The following NR2F1-AS1 variants were observed in gnomAD, a reference collection of about 807,000 sequenced individuals.
The protein encoded by NR2F1-AS1 is NR2F1 regulatory antisense RNA 1.
intron 1 of NR2F1-AS1, among the ~76,000 whole-genome samples, chr5:93,563,875 G>T (rs1752551098): frequency 6.6e-6 from 1 of 151,884 alleles, no homozygotes; most frequent in Non-Finnish European, 1.5e-5. Context: ...AGCTGAGGTG[G>T]GCGGATCACG....
chr5:93,572,000 T>C (rs138843915), intron 1 of NR2F1-AS1, among the ~76,000 whole-genome samples: 3,800 of 152,230 alleles, frequency 0.025, 80 homozygotes, highest in South Asian at 0.055. Flanking sequence ...GGGAAGGTAC[T>C]GAGGAGAAAA....
intron 4 of NR2F1-AS1, among the ~76,000 whole-genome samples, chr5:93,468,775 G>T (rs978837775): frequency 6.6e-6 from 1 of 151,856 alleles, no homozygotes; most frequent in African/African-American, 2.4e-5. Flanking sequence ...TTTTTATGGT[G>T]TTAGGTCTTA....
intron 4 of NR2F1-AS1, among the ~76,000 whole-genome samples, chr5:93,511,179 G>A (rs530291460): frequency 6.6e-6 from 1 of 152,262 alleles, no homozygotes; most frequent in African/African-American, 2.4e-5. Context: ...TGAATCAGTA[G>A]ACTCAGTAAA....
chr5:93,584,792 C>T, upstream of NR2F1-AS1: 1 of 153,722 alleles, frequency 6.5e-6, no homozygotes, highest in Non-Finnish European at 1.4e-5. Context: ...CGGGCGGGCG[C>T]GCAGCAGCAG....
At chr5:93,549,831 G>A (rs1752183429) in intron 4 of NR2F1-AS1, among the ~76,000 whole-genome samples, 1 of 152,060 alleles carries the variant, frequency 6.6e-6, no homozygotes, top group African/African-American at 2.4e-5. Flanking sequence ...GGATGAAGCT[G>A]GAAACCATCA....
At chr5:93,562,183 C>CAAA (rs750644394) in intron 2 of NR2F1-AS1, among the ~76,000 whole-genome samples, 3 of 50,602 alleles carry the variant, frequency 5.9e-5, no homozygotes, top group African/African-American at 1.4e-4. Context: ...CCCATCTCTA[C>CAAA]AAAAAAAAAA....
rs138825877 is a variant in NR2F1-AS1, at chr5:93,483,761, C to A, written n.638+70000G>T. 6.6e-4 allele frequency among the ~76,000 whole-genome samples: 101 copies of A among 152,236 alleles called. 1 individual carries two copies. Among genetic ancestry groups the A allele is most frequent in the African/African-American group, 2.3e-3 (97 of 41,526 alleles). On this transcript the variant is annotated intron_variant and non_coding_transcript_variant, in intron 4 of 5. Transcript: ENST00000660523. ...CAGTTTAGAGAAGAACATAAATGAC[C>A]TGATGGAGCTCAAAAACACAGCATA...
chr5:93,581,934 G>GTC (rs1165830435), upstream of NR2F1-AS1, among the ~76,000 whole-genome samples: 1 of 63,908 alleles, frequency 1.6e-5, no homozygotes, highest in African/African-American at 6.5e-5. Flanking sequence ...CTCTCTCTGG[G>GTC]TCTCTCTCTC....
chr5:93,537,973 T>A (rs1039177111), intron 4 of NR2F1-AS1, among the ~76,000 whole-genome samples: 1 of 152,114 alleles, frequency 6.6e-6, no homozygotes, highest in East Asian at 1.9e-4. Context: ...AAGATGTGCA[T>A]GGTAGGTGAA....
chr5:93,432,165 G>A (rs1749340138), intron 4 of NR2F1-AS1, among the ~76,000 whole-genome samples: 2 of 152,136 alleles, frequency 1.3e-5, no homozygotes, highest in Non-Finnish European at 2.9e-5. Context: ...CTGTGGTTCA[G>A]TGTTTAAGAC....
At chr5:93,423,593 C>T (rs925678517) in intron 4 of NR2F1-AS1, among the ~76,000 whole-genome samples, 36 of 152,138 alleles carry the variant, frequency 2.4e-4, no homozygotes, top group African/African-American at 8.2e-4. Flanking sequence ...TGACCATGGA[C>T]AGAGAAAATT....
At chr5:93,560,920 G>C (rs564605757) in intron 2 of NR2F1-AS1, among the ~76,000 whole-genome samples, 97 of 152,210 alleles carry the variant, frequency 6.4e-4, no homozygotes, top group Non-Finnish European at 9.0e-4. Context: ...ATTAAGTCCA[G>C]AAAGACTGCA....
chr5:93,487,275 G>A (rs946944611), intron 4 of NR2F1-AS1, among the ~76,000 whole-genome samples: 4 of 152,062 alleles, frequency 2.6e-5, no homozygotes, highest in Non-Finnish European at 4.4e-5. Flanking sequence ...AGAAATAAAG[G>A]GTATTCAAAC....
At chr5:93,565,198 TTTTG>T (rs1487866334) in intron 1 of NR2F1-AS1, among the ~76,000 whole-genome samples, 8 of 152,186 alleles carry the variant, frequency 5.3e-5, no homozygotes, top group African/African-American at 1.7e-4. Context: ...GGCCTCTGTC[TTTTG>T]TTTGTTTCAT....
chr5:93,444,846 CTG>C (rs1182798014), intron 4 of NR2F1-AS1, among the ~76,000 whole-genome samples: 1 of 152,214 alleles, frequency 6.6e-6, no homozygotes, highest in African/African-American at 2.4e-5. Flanking sequence ...TTATAACAAA[CTG>C]TCTCTCAGAC....
intron 4 of NR2F1-AS1, among the ~76,000 whole-genome samples, chr5:93,551,481 A>T (rs1752227503): frequency 6.6e-6 from 1 of 152,128 alleles, no homozygotes; most frequent in Non-Finnish European, 1.5e-5. Context: ...GTAATGTGAT[A>T]AATGAGTGTT....
At chr5:93,472,687 G>A (rs573584051) in intron 4 of NR2F1-AS1, among the ~76,000 whole-genome samples, 1 of 151,830 alleles carries the variant, frequency 6.6e-6, no homozygotes, top group African/African-American at 2.4e-5. Flanking sequence ...CACACACACA[G>A]AGTGGTACAT....
At chr5:93,557,944 T>G (rs1264935730) in intron 2 of NR2F1-AS1, among the ~76,000 whole-genome samples, 1 of 152,208 alleles carries the variant, frequency 6.6e-6, no homozygotes, top group East Asian at 1.9e-4. Context: ...CCAGGGTACA[T>G]TCCATCTCAA....
intron 4 of NR2F1-AS1, among the ~76,000 whole-genome samples, chr5:93,509,310 G>A (rs1380701138): frequency 6.6e-6 from 1 of 152,030 alleles, no homozygotes; most frequent in Non-Finnish European, 1.5e-5. Flanking sequence ...AATGAAAATG[G>A]TCAGTATCTG....
Sources: allele counts gnomAD v4.1 joint callset (sites outside exome capture counted in the v4.1 genomes callset), GRCh38; gene constraint gnomAD v4.1.1; transcripts MANE v1.5; gene names NCBI Gene and HGNC (gene_info 2026-07-23, HGNC 2026-07-21).